Variants in RRAGD observed in about 807,000 individuals in gnomAD.
The protein encoded by RRAGD is ras-related GTP-binding protein D.
RRAGD carries 12 observed loss-of-function variants against 35.5 expected under a neutral mutation model. The ratio of observed to expected loss-of-function variants is 0.34; its 90% CI spans 0.22 to 0.55. The LOEUF is 0.55. Ranked by LOEUF, RRAGD falls within the 20% of genes least tolerant of loss-of-function variation. RRAGD has a pLI of 0.91. For synonymous variants in RRAGD, 155 were observed against 178.9 expected (o/e 0.87, Z 1.07); for missense variants, 324 against 490.1 (o/e 0.66, Z 3.20).
chr6:89,392,153 G>T (rs546457423), intron 1 of RRAGD, among the ~76,000 whole-genome samples: 1 of 151,984 alleles, frequency 6.6e-6, no homozygotes, highest in Admixed American at 6.6e-5. Context: ...CTCAAAGAAG[G>T]ATCAAGAAAA....
chr6:89,383,570 G>A (rs1307073731), intron 2 of RRAGD, among the ~76,000 whole-genome samples: 1 of 152,200 alleles, frequency 6.6e-6, no homozygotes, highest in Non-Finnish European at 1.5e-5. Context: ...AGGTCAAGAA[G>A]AAACTCTCTT....
In RRAGD at chr6:89,411,921, G is replaced by C; in HGVS notation, c.73C>G (p.Leu25Val). The change falls in exon 1 of 7, where the codon CTG (leucine) becomes GTG (valine). Residue 25 changes from leucine to valine, a missense_variant. Physicochemically the swap from Leu to Val is conservative, Grantham distance 32. This residue lies in a region of RRAGD where 96 missense variants were observed against 78.7 expected (regional missense o/e 1.22). Transcript: ENST00000369415. This position sits in a 1 kb window ranked among gnomAD's most constrained non-coding sequence, Gnocchi z 5.6. ...DAEEEEEEDELVGLADYGDGP... is the reference protein window; with the variant it reads ...DAEEEEEEDEVVGLADYGDGP... ...TCTCCGTAGTCCGCTAGCCCCACCA[G>C]CTCATCCTCCTCCTCCTCCTCCTCC... is the stretch of plus-strand genomic sequence containing the variant. 11 of 1,544,918 alleles carry C rather than the reference G, an allele frequency of 7.1e-6. No individual in the cohort carries two copies. Among genetic ancestry groups the C allele is most frequent in the Non-Finnish European group, 9.6e-6 (11 of 1,147,510 alleles).
chr6:89,409,667 T>C (rs1395215769), intron 1 of RRAGD, among the ~76,000 whole-genome samples: 1 of 152,180 alleles, frequency 6.6e-6, no homozygotes, highest in African/African-American at 2.4e-5. Flanking sequence ...CTGACAGCCA[T>C]CAGGAGCAGT....
intron 1 of RRAGD, among the ~76,000 whole-genome samples, chr6:89,393,177 C>T (rs1769269068): frequency 6.6e-6 from 1 of 152,106 alleles, no homozygotes; most frequent in Admixed American, 6.6e-5. Flanking sequence ...AATAGGTGCA[C>T]AATGAAACAT....
In RRAGD at chr6:89,367,453, G is replaced by T. The variant is rs1451942956; in HGVS notation, c.*603C>A. On this transcript the variant is annotated 3_prime_UTR_variant, in exon 7 of 7. Transcript: ENST00000369415. Reference sequence around the variant, plus strand: ...ATAGAAATTTTTAGGTAAGTCTGGTGCTAGCATTATTCTACAAAACTGTTT... The same window carrying T: ...ATAGAAATTTTTAGGTAAGTCTGGTTCTAGCATTATTCTACAAAACTGTTT... 6.6e-6 allele frequency: 1 copy of T among 152,226 alleles called. No homozygotes were observed. The highest frequency in any genetic ancestry group is 1.9e-4 in the East Asian group (1 of 5,198). The allele number at this position is 152,226 out of a possible 1,614,324, so 9.4% of individuals were successfully genotyped here.
At chr6:89,389,331 G>A (rs559628701) in intron 1 of RRAGD, among the ~76,000 whole-genome samples, 19 of 152,108 alleles carry the variant, frequency 1.2e-4, no homozygotes, top group African/African-American at 3.1e-4. Flanking sequence ...CGAGACGGGC[G>A]GATCACGAGG....
chr6:89,374,152 A>G (rs1768895903), intron 5 of RRAGD, among the ~76,000 whole-genome samples: 1 of 152,226 alleles, frequency 6.6e-6, no homozygotes, highest in African/African-American at 2.4e-5. Flanking sequence ...CTTAGTTCTT[A>G]AAATGCATTA....
At chr6:89,381,624 ATTAAG>A (rs534834540) in intron 2 of RRAGD, among the ~76,000 whole-genome samples, 85 of 152,364 alleles carry the variant, frequency 5.6e-4, no homozygotes, top group African/African-American at 2.0e-3. Flanking sequence ...GGAAAGAAAT[ATTAAG>A]TTGTGTGTAT....
intron 1 of RRAGD, among the ~76,000 whole-genome samples, chr6:89,402,227 T>C (rs1159554416): frequency 6.6e-6 from 1 of 151,704 alleles, no homozygotes; most frequent in Non-Finnish European, 1.5e-5. Context: ...TTTGTATTTT[T>C]AGTAGAGACG....
intron 1 of RRAGD, among the ~76,000 whole-genome samples, chr6:89,396,100 A>G (rs1769327103): frequency 6.6e-6 from 1 of 152,136 alleles, no homozygotes. Flanking sequence ...TAGATATGAC[A>G]CCCTCCCCCA....
chr6:89,386,955 T>G (rs911459049), intron 2 of RRAGD, among the ~76,000 whole-genome samples: 19 of 152,218 alleles, frequency 1.2e-4, no homozygotes, highest in African/African-American at 4.6e-4. Flanking sequence ...AAATGTAAAT[T>G]TATACACATG....
At chr6:89,380,565 A>G (rs1049945086) in intron 2 of RRAGD, among the ~76,000 whole-genome samples, 198 bp from the exon 3 acceptor site, 1 of 152,206 alleles carries the variant, frequency 6.6e-6, no homozygotes, top group Non-Finnish European at 1.5e-5. Flanking sequence ...AAAGGCTAAA[A>G]AAATGCAGCT....
chr6:89,372,864 A>C (rs1768876782), intron 5 of RRAGD, among the ~76,000 whole-genome samples: 1 of 152,100 alleles, frequency 6.6e-6, no homozygotes, highest in African/African-American at 2.4e-5. Context: ...AGCTCTCCCC[A>C]CCTCCGTGGC....
In RRAGD at chr6:89,412,093, T is replaced by A; in HGVS notation, c.-100A>T. 8.3e-7 allele frequency: 1 copy of A among 1,202,368 alleles called. No individual in the cohort carries two copies. 74.5% of individuals were successfully genotyped at this position (1,202,368 alleles called of 1,614,324 possible). On this transcript the variant is annotated 5_prime_UTR_variant, in exon 1 of 7. Coordinates refer to ENST00000369415, the MANE Select transcript of RRAGD (RefSeq NM_021244.5). The surrounding 1 kb of genome is among the most constrained non-coding windows in gnomAD (Gnocchi z 4.2). ...GCAGCCTATTTCTGAAGCGGAGGTT[T>A]GTCTAGAGCTCAGCGGGGCCCGGCG...
At position 89,364,733 on chromosome 6, in the gene RRAGD, A is replaced by G. The variant is rs189635152; in HGVS notation, c.*3323T>C. Reference sequence around the variant, plus strand: ...CCAAATGGATGTAACAGGGCCAATGAAACAGTGACATACATGTATGGTAAG... The same window carrying G: ...CCAAATGGATGTAACAGGGCCAATGGAACAGTGACATACATGTATGGTAAG... On this transcript the variant is annotated 3_prime_UTR_variant, in exon 7 of 7. Coordinates refer to ENST00000369415, the MANE Select transcript of RRAGD (RefSeq NM_021244.5). 1 of 152,350 alleles carries G rather than the reference A, an allele frequency of 6.6e-6. No homozygotes were observed. Among genetic ancestry groups the G allele is most frequent in the East Asian group, 1.9e-4 (1 of 5,194 alleles). The allele number at this position is 152,350 out of a possible 1,614,324, so 9.4% of individuals were successfully genotyped here. A position where few individuals can be genotyped will look rare whatever the true frequency, so the allele number is the denominator to read the frequency against.
intron 1 of RRAGD, among the ~76,000 whole-genome samples, chr6:89,407,512 C>T (rs890374810): frequency 6.6e-6 from 1 of 151,962 alleles, no homozygotes; most frequent in African/African-American, 2.4e-5. Context: ...GTGGTGGGCA[C>T]CTGTAATCAA....
intron 1 of RRAGD, among the ~76,000 whole-genome samples, chr6:89,406,025 T>G (rs1325973017): frequency 1.3e-5 from 2 of 152,230 alleles, no homozygotes; most frequent in African/African-American, 4.8e-5. Context: ...AGAACACATA[T>G]TTTTCAAAGG....
intron 1 of RRAGD, among the ~76,000 whole-genome samples, chr6:89,399,355 G>T (rs1044498893): frequency 6.6e-6 from 1 of 152,090 alleles, no homozygotes; most frequent in Non-Finnish European, 1.5e-5. Flanking sequence ...TTCAATCATG[G>T]GCCACCAACC....
Position 89,379,189 on chromosome 6 carries a change from T to G in RRAGD, c.759+35A>C, listed in dbSNP as rs373415226. ...CTCTTGCAATGTTATTTTCAAATTC[T>G]ACAAGTGACTCAAACAGGAATATTA... On this transcript the variant is annotated intron_variant, in intron 4 of 6. Transcript: ENST00000369415. The G allele has an allele frequency of 8.0e-6, 9 of 1,127,630 alleles. No homozygotes were observed. The African/African-American group carries it at 9.3e-5, about 12-fold the overall frequency. 69.9% of individuals were successfully genotyped at this position (1,127,630 alleles called of 1,614,324 possible). A position where few individuals can be genotyped will look rare whatever the true frequency, so the allele number is the denominator to read the frequency against.
Sources: allele counts gnomAD v4.1 joint callset (sites outside exome capture counted in the v4.1 genomes callset), GRCh38; gene constraint gnomAD v4.1.1; regional missense constraint gnomAD v4.1.1; non-coding constraint Gnocchi (gnomAD v3.1); transcripts MANE v1.5; gene names NCBI Gene and HGNC (gene_info 2026-07-23, HGNC 2026-07-21).